MED13L: variants seen among roughly 807,000 people sequenced by gnomAD.
MED13L encodes mediator complex subunit 13L.
MED13L carries 7 observed loss-of-function variants against 220.9 expected under a neutral mutation model. The ratio of observed to expected loss-of-function variants is 0.03; its 90% CI spans 0.02 to 0.06. The LOEUF (loss-of-function observed/expected upper bound fraction) is 0.06, where lower values mean the gene tolerates loss of function less well. Ranked by LOEUF, MED13L falls within the 10% of genes least tolerant of loss-of-function variation. The pLI is 1.00. For missense variants in MED13L, 1,965 were observed against 2,760.5 expected (o/e 0.71, Z 6.46); for synonymous variants, 1,011 against 1,015.2 (o/e 1.00, Z 0.08).
At position 116,022,149 on chromosome 12, in the gene MED13L, T is replaced by C. The variant is rs997500858; in HGVS notation, c.625+307A>G. Reference sequence around the variant, plus strand: ...ATTTGTGACTTTGGTCAATTACTCATTGAATTCTATTTTTCAAGTATTTAT... The same window carrying C: ...ATTTGTGACTTTGGTCAATTACTCACTGAATTCTATTTTTCAAGTATTTAT... On this transcript the variant is annotated intron_variant, in intron 5 of 30. Coordinates refer to ENST00000281928, the MANE Select transcript of MED13L (RefSeq NM_015335.5). 2.6e-5 allele frequency among the ~76,000 whole-genome samples: 4 copies of C among 152,180 alleles called. No individual in the cohort carries two copies. The East Asian group carries it at 7.7e-4, about 29-fold the overall frequency.
rs1018034417 is a variant in MED13L at position 115,986,431 on chromosome 12, C to T, written c.4173G>A (p.Lys1391=). The change falls in exon 19 of 31, where the codon AAG becomes AAA. Residue 1391 remains lysine, a synonymous_variant. Transcript: ENST00000281928. ...AGAATGGCGAGATGGTGAGGAAATC[C>T]TTGTCATAGCCTACCAGCAGAGTGG... The part of the protein sequence containing the change: ...PIPTLLVGYD[K]DFLTISPFSL... The T allele has an allele frequency of 1.2e-5, 20 of 1,613,996 alleles. 1 individual carries two copies. The highest frequency in any genetic ancestry group is 1.6e-5 in the Non-Finnish European group (19 of 1,179,996).
intron 1 of MED13L, among the ~76,000 whole-genome samples, chr12:116,253,683 C>G (rs552744774): frequency 2.2e-4 from 33 of 151,174 alleles, no homozygotes; most frequent in Middle Eastern, 6.8e-3. Flanking sequence ...AGAACAAAAC[C>G]TATGATCATC....
intron 2 of MED13L, among the ~76,000 whole-genome samples, chr12:116,127,196 T>C (rs926768682): frequency 2.0e-5 from 3 of 152,186 alleles, no homozygotes; most frequent in Non-Finnish European, 4.4e-5. Flanking sequence ...AGAAAGATTT[T>C]TGGTTGCCTG....
At chr12:116,127,125 A>G (rs1875657316) in intron 2 of MED13L, among the ~76,000 whole-genome samples, 3 of 152,238 alleles carry the variant, frequency 2.0e-5, no homozygotes, top group Non-Finnish European at 4.4e-5. Context: ...ATTAAAAAGC[A>G]TAACAATAAA....
chr12:116,261,212 T>A (rs565020366), intron 1 of MED13L, among the ~76,000 whole-genome samples: 2 of 152,218 alleles, frequency 1.3e-5, no homozygotes, highest in Non-Finnish European at 2.9e-5. Context: ...ATATTTTCTG[T>A]AGGCTGGGCA....
intron 2 of MED13L, among the ~76,000 whole-genome samples, chr12:116,126,873 C>T (rs1429506741): frequency 6.6e-6 from 1 of 152,098 alleles, no homozygotes; most frequent in Non-Finnish European, 1.5e-5. Context: ...CCAATCTACC[C>T]CTTCTAGTTA....
chr12:116,114,398 C>T (rs1234472255), intron 2 of MED13L, among the ~76,000 whole-genome samples: 2 of 152,204 alleles, frequency 1.3e-5, no homozygotes, highest in Non-Finnish European at 2.9e-5. Context: ...AGCTTTACCA[C>T]AATTGCTGTA....
chr12:116,023,158 C>T (rs61936949), intron 4 of MED13L, among the ~76,000 whole-genome samples: 10,084 of 152,022 alleles, frequency 0.066, 395 homozygotes, highest in Middle Eastern at 0.095. Context: ...TAGCCAGGCA[C>T]GGTGGTGTGC....
At chr12:116,162,793 G>A (rs954913758) in intron 2 of MED13L, among the ~76,000 whole-genome samples, 2 of 152,114 alleles carry the variant, frequency 1.3e-5, no homozygotes, top group Non-Finnish European at 2.9e-5. Context: ...TTTATGTCAA[G>A]TGACTTTTTC....
At chr12:115,966,058 C>A (rs756339110) in intron 29 of MED13L, 24 bp downstream of exon 29, 2 of 1,613,362 alleles carry the variant, frequency 1.2e-6, no homozygotes, top group South Asian at 2.2e-5. Context: ...TCCTTGCAAA[C>A]TTCTAATATG....
Position 116,019,832 on chromosome 12 carries a change from C to T in MED13L, c.766G>A (p.Glu256Lys). ...VLKKKEESKE[E>K]DELGYDDDFP... ...TCATCATCATATCCCAACTCGTCTT[C>T]CTCTTTCGATTCTTCTTTCTTTTTT... Residue 256 changes from glutamate to lysine, a missense_variant, in exon 6 of 31, where the codon GAA (glutamate) becomes AAA (lysine). Around this residue, in one of 10 missense-constraint regions of MED13L, gnomAD observed 818 missense variants for 1,041.2 expected, o/e 0.79. Transcript: ENST00000281928. 6.2e-7 allele frequency: 1 copy of T among 1,614,022 alleles called. No homozygotes were observed. The highest frequency in any genetic ancestry group is 8.5e-7 in the Non-Finnish European group (1 of 1,179,948).
At chr12:116,122,091 C>T (rs1025605427) in intron 2 of MED13L, among the ~76,000 whole-genome samples, 1 of 151,792 alleles carries the variant, frequency 6.6e-6, no homozygotes, top group African/African-American at 2.4e-5. Context: ...TAAAACGCAT[C>T]GTAGTGTTTA....
At chr12:116,060,679 G>T (rs941961091) in intron 4 of MED13L, among the ~76,000 whole-genome samples, 3 of 151,944 alleles carry the variant, frequency 2.0e-5, no homozygotes, top group Non-Finnish European at 4.4e-5. Context: ...ACTACTTTGG[G>T]TTAAAAACAG....
In MED13L at chr12:115,980,954, C is replaced by CA. The variant is rs138808854; in HGVS notation, c.5176-17dup. 19,334 of 1,181,588 alleles carry CA rather than the reference C, an allele frequency of 0.016. 11 individuals carry two copies. Among genetic ancestry groups the CA allele is most frequent in the Middle Eastern group, 0.022 (83 of 3,794 alleles). The allele number at this position is 1,181,588 out of a possible 1,614,324, so 73.2% of individuals were successfully genotyped here. On this transcript the variant is annotated splice_polypyrimidine_tract_variant and intron_variant, in intron 22 of 30. Coordinates refer to ENST00000281928, the MANE Select transcript of MED13L (RefSeq NM_015335.5). Reference sequence around the variant, plus strand: ...AAGGCACAATCTAAAGACACAAATACAAAAAAAAAACAAAAACCAAAAACC... The same window carrying CA: ...AAGGCACAATCTAAAGACACAAATACAAAAAAAAAAACAAAAACCAAAAACC...
chr12:116,259,610 G>A (rs992835511), intron 1 of MED13L, among the ~76,000 whole-genome samples: 5 of 152,076 alleles, frequency 3.3e-5, no homozygotes, highest in African/African-American at 1.2e-4. Flanking sequence ...CTTAAACTGC[G>A]TATTAGGTAC....
chr12:116,032,372 A>G (rs1461258275), intron 4 of MED13L, among the ~76,000 whole-genome samples: 3 of 152,204 alleles, frequency 2.0e-5, no homozygotes, highest in East Asian at 3.9e-4. Context: ...CATGGTAATT[A>G]TAACAGGATA....
intron 2 of MED13L, among the ~76,000 whole-genome samples, chr12:116,185,915 C>T (rs770084575): frequency 1.3e-5 from 2 of 152,092 alleles, no homozygotes; most frequent in African/African-American, 4.8e-5. Flanking sequence ...AGGCTGGTCT[C>T]GAACTCCTGA....
intron 1 of MED13L, among the ~76,000 whole-genome samples, chr12:116,240,025 A>G (rs1870473813): frequency 6.6e-6 from 1 of 152,152 alleles, no homozygotes; most frequent in South Asian, 2.1e-4. Flanking sequence ...ACTGTAAATG[A>G]TATTTTCATT....
In MED13L at chr12:116,246,377, G is replaced by A. The variant is rs1033573596; in HGVS notation, c.73-8672C>T. Among the ~76,000 whole-genome samples, 41 of 151,990 alleles carry A rather than the reference G, an allele frequency of 2.7e-4. No homozygotes were observed. The South Asian group carries it at 2.7e-3, about 10-fold the overall frequency. On this transcript the variant is annotated intron_variant, in intron 1 of 30. Transcript: ENST00000281928. ...TCCAGGATGCCAACTATACACCAGC[G>A]CAGAGGGCAACCAATCCAGATTATG...
Sources: gnomAD v4.1 joint callset for allele counts (sites outside exome capture counted in the v4.1 genomes callset) on GRCh38, gnomAD v4.1.1 for gene constraint, gnomAD v4.1.1 regional missense constraint, MANE v1.5 for transcripts, NCBI Gene and HGNC (gene_info 2026-07-23, HGNC 2026-07-21) for gene names.